Variants in RADIL observed in about 807,000 individuals in gnomAD.
RADIL encodes Rap associating with DIL domain.
A neutral mutation model predicts 97.6 loss-of-function variants in RADIL; 99 were observed. The ratio of observed to expected loss-of-function variants is 1.01; its 90% CI spans 0.86 to 1.20. RADIL has a LOEUF of 1.20. Among genes scored for constraint, RADIL ranks in the 50% most tolerant of loss-of-function variants. The probability of loss-of-function intolerance (pLI) is 0.00; values close to 1 mark genes in which losing one functional copy is unlikely to be tolerated. For missense variants in RADIL, 1,765 were observed against 1,498.9 expected (o/e 1.18, Z -2.93); for synonymous variants, 803 against 691.8 (o/e 1.16, Z -2.52).
intron 2 of RADIL, among the ~76,000 whole-genome samples, chr7:4,851,203 A>C (rs1434545047): frequency 6.6e-6 from 1 of 152,000 alleles, no homozygotes; most frequent in Admixed American, 6.6e-5. Flanking sequence ...GTCTCAAAAA[A>C]AAAAAAGAAA....
In RADIL at chr7:4,805,023, G is replaced by A. The variant is rs564894061; in HGVS notation, c.2290+543C>T. 2.6e-5 allele frequency among the ~76,000 whole-genome samples: 4 copies of A among 152,266 alleles called. No individual in the cohort carries two copies. In the South Asian group the frequency reaches 6.2e-4, roughly 24 times the overall value. On this transcript the variant is annotated intron_variant, in intron 10 of 14. Coordinates refer to ENST00000399583, the MANE Select transcript of RADIL (RefSeq NM_018059.5). ...GTAGGAGAATCGCTTGAACCTGGGA[G>A]GTGGAGGTTGCAGTGAGCTGAGATT...
intron 2 of RADIL, chr7:4,861,186 C>G: frequency 6.2e-7 from 1 of 1,614,196 alleles, no homozygotes; most frequent in Non-Finnish European, 8.5e-7. Context: ...AAAATTTCAT[C>G]GGTTACCCGG....
At chr7:4,832,334 A>G in intron 4 of RADIL, 156 bp from the exon 5 acceptor site, 1 of 716,618 alleles carries the variant, frequency 1.4e-6, no homozygotes, top group Non-Finnish European at 2.4e-6. Flanking sequence ...TGGAAAGGAC[A>G]TTTTCCATGT....
Position 4,878,272 on chromosome 7 carries a change from G to C in RADIL, c.-64-69C>G. The C allele has an allele frequency of 9.8e-7, 1 of 1,023,436 alleles. No homozygotes were observed. Among genetic ancestry groups the C allele is most frequent in the Non-Finnish European group, 1.4e-6 (1 of 727,456 alleles). 63.4% of individuals were successfully genotyped at this position (1,023,436 alleles called of 1,614,324 possible). On this transcript the variant is annotated intron_variant, in intron 1 of 14. Coordinates refer to ENST00000399583, the MANE Select transcript of RADIL (RefSeq NM_018059.5). This position sits in a 1 kb window ranked among gnomAD's most constrained non-coding sequence, Gnocchi z 4.1. ...ACCAAGAGCAAATGAGGCCACAGGC[G>C]GTGACTCCTGCCCGTCATCCCAGCG...
In RADIL at chr7:4,873,997, G is replaced by A. The variant is rs973850234; in HGVS notation, c.535+3608C>T. Reference sequence around the variant, plus strand: ...CCCTTGGAGGGGCGAGGGAGGAATCGCCTAGTGCCGGCTGCAAACTCACTC... The same window carrying A: ...CCCTTGGAGGGGCGAGGGAGGAATCACCTAGTGCCGGCTGCAAACTCACTC... On this transcript the variant is annotated intron_variant, in intron 2 of 14. Coordinates refer to ENST00000399583, the MANE Select transcript of RADIL (RefSeq NM_018059.5). The surrounding 1 kb of genome is among the most constrained non-coding windows in gnomAD (Gnocchi z 4.3). Among the ~76,000 whole-genome samples the A allele has an allele frequency of 3.3e-5, 5 of 152,198 alleles. No individual in the cohort carries two copies. Among genetic ancestry groups the A allele is most frequent in the South Asian group, 4.1e-4 (2 of 4,832 alleles).
intron 2 of RADIL, among the ~76,000 whole-genome samples, chr7:4,843,598 C>G (rs182385001): frequency 2.0e-5 from 3 of 152,256 alleles, no homozygotes; most frequent in African/African-American, 7.2e-5. Flanking sequence ...GCATCTAATT[C>G]CATTTTATTC....
At chr7:4,875,422 A>C (rs975601257) in intron 2 of RADIL, among the ~76,000 whole-genome samples, 2 of 150,402 alleles carry the variant, frequency 1.3e-5, no homozygotes, top group African/African-American at 4.9e-5. Flanking sequence ...CGTGAGCCTC[A>C]GACAAGCTCC....
At chr7:4,809,283 C>T in intron 9 of RADIL, 3 of 985,420 alleles carry the variant, frequency 3.0e-6, no homozygotes, top group Non-Finnish European at 3.6e-6. Context: ...GCCCCCCTTC[C>T]ATCACGAGGT....
At position 4,835,210 on chromosome 7, in the gene RADIL, G is replaced by C; in HGVS notation, c.813C>G (p.Asp271Glu). The C allele has an allele frequency of 6.2e-7, 1 of 1,611,380 alleles. No individual in the cohort carries two copies. Among genetic ancestry groups the C allele is most frequent in the South Asian group, 1.1e-5 (1 of 91,032 alleles). ...HDSLVYVLNR[D>E]RHTVGQRTPS... The stretch of plus-strand genomic sequence containing the variant: ...GGGTCCGCTGGCCCACCGTGTGCCG[G>C]TCCCGGTTGAGCACATACACCAGGC... Residue 271 changes from aspartate to glutamate, a missense_variant, in exon 4 of 15, where the codon GAC (aspartate) becomes GAG (glutamate). Asp to Glu is a conservative substitution (Grantham distance 45). Coordinates refer to ENST00000399583, the MANE Select transcript of RADIL (RefSeq NM_018059.5). The surrounding 1 kb of genome is among the most constrained non-coding windows in gnomAD (Gnocchi z 5.8).
intron 2 of RADIL, among the ~76,000 whole-genome samples, chr7:4,845,561 T>C (rs1371105274): frequency 6.6e-6 from 1 of 152,184 alleles, no homozygotes; most frequent in Non-Finnish European, 1.5e-5. Context: ...AATGATTCTC[T>C]CCGGGAGGTG....
intron 5 of RADIL, among the ~76,000 whole-genome samples, chr7:4,827,024 G>T (rs1488380771): frequency 1.3e-5 from 2 of 152,122 alleles, no homozygotes; most frequent in Non-Finnish European, 2.9e-5. Context: ...CCAGTGAAAG[G>T]GGATGTGGTA....
intron 2 of RADIL, among the ~76,000 whole-genome samples, chr7:4,862,565 G>C (rs1055349513): frequency 1.3e-5 from 2 of 152,178 alleles, no homozygotes; most frequent in Non-Finnish European, 2.9e-5. Context: ...CTAGTGCCCT[G>C]TGATCCCACC....
rs1782607591 is a variant in RADIL, at chr7:4,813,830, C to A, written c.2139+1448G>T. 6.6e-6 allele frequency among the ~76,000 whole-genome samples: 1 copy of A among 152,368 alleles called. No homozygotes were observed. The highest frequency in any genetic ancestry group is 3.4e-3 in the Middle Eastern group (1 of 294). On this transcript the variant is annotated intron_variant, in intron 9 of 14. Coordinates refer to ENST00000399583, the MANE Select transcript of RADIL (RefSeq NM_018059.5). The surrounding 1 kb of genome is among the most constrained non-coding windows in gnomAD (Gnocchi z 5.0). ...CAGTGCTTGCCACAATGTCTATCAA[C>A]TGTTCTTCTGTTTTAGCCCCATCTT...
In RADIL at chr7:4,840,206, A is replaced by G. The variant is rs1783406331; in HGVS notation, c.536-3601T>C. On this transcript the variant is annotated intron_variant, in intron 2 of 14. Coordinates refer to ENST00000399583, the MANE Select transcript of RADIL (RefSeq NM_018059.5). The surrounding 1 kb of genome is among the most constrained non-coding windows in gnomAD (Gnocchi z 5.6). ...GCTGTCAGGCTTGTTGGGGGCCGAC[A>G]TGGCCTCCCAAGTTCCCATAGAGAG... Among the ~76,000 whole-genome samples the G allele has an allele frequency of 6.6e-6, 1 of 152,104 alleles. No individual in the cohort carries two copies. The highest frequency in any genetic ancestry group is 1.5e-5 in the Non-Finnish European group (1 of 68,014).
Position 4,801,645 on chromosome 7 carries a change from G to T in RADIL, c.2842+8C>A. 1 of 1,588,086 alleles carries T rather than the reference G, an allele frequency of 6.3e-7. No individual in the cohort carries two copies. The stretch of plus-strand genomic sequence containing the variant: ...TGGGTTCCCGCCTGAGCACCAGGCA[G>T]GGCTCACCTTCCGGAGCTGCACCCC... On this transcript the variant is annotated splice_region_variant and intron_variant, in intron 12 of 14. Transcript: ENST00000399583.
intron 2 of RADIL, among the ~76,000 whole-genome samples, chr7:4,863,080 CCTT>C (rs146556104): frequency 0.014 from 2,162 of 152,220 alleles, 59 homozygotes; most frequent in African/African-American, 0.05. Flanking sequence ...ACGTTGTCAA[CCTT>C]CTCACTCTGT....
chr7:4,805,087 CTT>C (rs953242291), intron 10 of RADIL, among the ~76,000 whole-genome samples: 12 of 152,060 alleles, frequency 7.9e-5, no homozygotes, highest in African/African-American at 2.2e-4. Flanking sequence ...GAGCAAGACT[CTT>C]GTCTCAAAAA....
chr7:4,816,356 A>G lies in RADIL; in HGVS notation c.1838T>C (p.Val613Ala), dbSNP rs1782677808. The G allele has an allele frequency of 6.2e-7, 1 of 1,611,652 alleles. No individual in the cohort carries two copies. The highest frequency in any genetic ancestry group is 1.3e-5 in the African/African-American group (1 of 74,908). Residue 613 changes from valine (V) to alanine (A), a missense_variant, in exon 8 of 15, where the codon GTG becomes GCG. Val to Ala is a moderately conservative substitution (Grantham distance 64). Transcript: ENST00000399583. ...PELPEELRRV[V>A]SVYQAALDLL... ...GTCCAGGGCTGCCTGGTACACAGAC[A>G]CCACGCGGCGCAGCTCCTCGGGCAG...
At position 4,872,826 on chromosome 7, in the gene RADIL, A is replaced by G. The variant is rs1583326341; in HGVS notation, c.535+4779T>C. Among the ~76,000 whole-genome samples the G allele has an allele frequency of 6.6e-6, 1 of 152,142 alleles. No homozygotes were observed. Among genetic ancestry groups the G allele is most frequent in the Non-Finnish European group, 1.5e-5 (1 of 68,020 alleles). On this transcript the variant is annotated intron_variant, in intron 2 of 14. Transcript: ENST00000399583. The surrounding 1 kb of genome is among the most constrained non-coding windows in gnomAD (Gnocchi z 5.8). The stretch of plus-strand genomic sequence containing the variant: ...GAAGCGCCTGGCTGACACCTTCCCC[A>G]CCAGACTCTGTAGGGGAGTCCGAGG...
Sources: gnomAD v4.1 joint callset for allele counts (sites outside exome capture counted in the v4.1 genomes callset) on GRCh38, gnomAD v4.1.1 for gene constraint, Gnocchi (gnomAD v3.1) non-coding constraint, MANE v1.5 for transcripts, NCBI Gene and HGNC (gene_info 2026-07-23, HGNC 2026-07-21) for gene names.